The following ELMO1 variants were observed in gnomAD, a reference collection of about 807,000 sequenced individuals.
ELMO1 encodes engulfment and cell motility 1, also known as engulfment and cell motility protein 1.
In ELMO1, 26 loss-of-function variants were observed where a neutral mutation model predicts 98.9. The ratio of observed to expected loss-of-function variants is 0.26; its 90% CI spans 0.19 to 0.36. The LOEUF (loss-of-function observed/expected upper bound fraction) is 0.36. Ranked by LOEUF, ELMO1 falls within the 10% of genes least tolerant of loss-of-function variation. The pLI, the probability that ELMO1 is intolerant of heterozygous loss-of-function variation, is 1.00. For synonymous variants in ELMO1, 346 were observed against 346.0 expected, an observed-to-expected ratio of 1.00 and a Z score of 0.00; for missense variants, 627 against 935.2, an observed-to-expected ratio of 0.67 and a Z score of 4.30.
rs376271605 is a variant in ELMO1, at chr7:37,357,958, T to C, written c.-73-15195A>G. On this transcript the variant is annotated intron_variant, in intron 1 of 21. Coordinates refer to ENST00000310758, the MANE Select transcript of ELMO1 (RefSeq NM_014800.11). ...CTGAATGGCAGTCTGTGGTGCATAT[T>C]TGGGGGGAAAGTGGTCTGTGGTTCT... Among the ~76,000 whole-genome samples, 6 of 152,326 alleles carry C rather than the reference T, an allele frequency of 3.9e-5. No homozygotes were observed. In the East Asian group the frequency reaches 9.6e-4, roughly 24 times the overall value.
At chr7:37,313,589 T>A (rs1051846271) in intron 4 of ELMO1, among the ~76,000 whole-genome samples, 46 of 152,164 alleles carry the variant, frequency 3.0e-4, no homozygotes, top group African/African-American at 1.1e-3. Context: ...GAAAACAGCA[T>A]CAGTTACAAA....
intron 17 of ELMO1, 135 bp downstream of exon 17, chr7:36,894,719 G>T: frequency 9.1e-7 from 1 of 1,095,246 alleles, no homozygotes; most frequent in East Asian, 2.5e-5. Flanking sequence ...CTAACTAAAT[G>T]GAGATACTTG....
At chr7:37,070,990 A>G (rs764998814) in intron 15 of ELMO1, among the ~76,000 whole-genome samples, 2 of 152,178 alleles carry the variant, frequency 1.3e-5, no homozygotes, top group Non-Finnish European at 2.9e-5. Context: ...TCCTCCACCA[A>G]CTGAGAACTA....
At chr7:37,441,654 T>C (rs1389078856) in intron 1 of ELMO1, among the ~76,000 whole-genome samples, 1 of 152,212 alleles carries the variant, frequency 6.6e-6, no homozygotes, top group Non-Finnish European at 1.5e-5. Context: ...TTATTGCCAT[T>C]ATGTAAAGGT....
Position 37,336,862 on chromosome 7 carries a change from G to A in ELMO1, c.78+5751C>T, listed in dbSNP as rs114349282. ...TAAATAAGCCTGGAATGGAAAAACA[G>A]AATAAAATACTACCAAAAGAGAGTT... On this transcript the variant is annotated intron_variant, in intron 2 of 21. Transcript: ENST00000310758. Among the ~76,000 whole-genome samples the A allele has an allele frequency of 3.0e-3, 453 of 152,242 alleles. 5 individuals carry two copies. Among genetic ancestry groups the A allele is most frequent in the African/African-American group, 0.011 (441 of 41,538 alleles).
At chr7:37,058,951 G>T (rs1276632031) in intron 15 of ELMO1, among the ~76,000 whole-genome samples, 2 of 152,170 alleles carry the variant, frequency 1.3e-5, no homozygotes, top group African/African-American at 4.8e-5. Flanking sequence ...GGGGGATGCT[G>T]GGGAAGGGTC....
chr7:37,127,629 A>G (rs1319233068), intron 14 of ELMO1, among the ~76,000 whole-genome samples: 1 of 152,212 alleles, frequency 6.6e-6, no homozygotes, highest in African/African-American at 2.4e-5. Flanking sequence ...CTAGGTATTC[A>G]TTTGCTCTGG....
Position 37,114,736 on chromosome 7 carries a change from A to G in ELMO1, c.1192-18009T>C, listed in dbSNP as rs534275243. ...TACAAATTAAATCTAAAGTAAGCTGAAGAAAAGAAGTAAAAAAAAATAATG... is the reference window on the plus strand; with the variant it reads ...TACAAATTAAATCTAAAGTAAGCTGGAGAAAAGAAGTAAAAAAAAATAATG... On this transcript the variant is annotated intron_variant, in intron 14 of 21. Transcript: ENST00000310758. Among the ~76,000 whole-genome samples, 3 of 152,236 alleles carry G rather than the reference A, an allele frequency of 2.0e-5. No individual in the cohort carries two copies. In the South Asian group the frequency reaches 6.2e-4, roughly 32 times the overall value.
intron 14 of ELMO1, among the ~76,000 whole-genome samples, chr7:37,123,351 GCTT>G (rs1786233800): frequency 6.6e-6 from 1 of 152,198 alleles, no homozygotes; most frequent in Admixed American, 6.5e-5. Flanking sequence ...TCCAGGAGCT[GCTT>G]TTTTGAAAAG....
intron 13 of ELMO1, among the ~76,000 whole-genome samples, chr7:37,146,046 G>A (rs1398031801): frequency 7.2e-5 from 11 of 152,124 alleles, no homozygotes; most frequent in Admixed American, 4.6e-4. Context: ...CCCCTGGGGA[G>A]CTTTAAAAAA....
At chr7:37,143,604 A>C (rs1787782068) in intron 13 of ELMO1, among the ~76,000 whole-genome samples, 1 of 151,456 alleles carries the variant, frequency 6.6e-6, no homozygotes, top group Admixed American at 6.6e-5. Context: ...ATGAGGTTTC[A>C]CCATGCTGGC....
chr7:36,936,927 G>A (rs1209238540), intron 16 of ELMO1, among the ~76,000 whole-genome samples: 1 of 152,100 alleles, frequency 6.6e-6, no homozygotes, highest in African/African-American at 2.4e-5. Context: ...TCCTTTTATT[G>A]TAGTTTCTTT....
At chr7:37,228,175 C>T (rs183946829) in intron 8 of ELMO1, among the ~76,000 whole-genome samples, 3 of 152,230 alleles carry the variant, frequency 2.0e-5, no homozygotes, top group African/African-American at 2.4e-5. Context: ...TAATAACCAA[C>T]GCATCAGGGC....
intron 15 of ELMO1, among the ~76,000 whole-genome samples, chr7:37,037,125 T>A (rs564388397): frequency 1.3e-5 from 2 of 152,306 alleles, no homozygotes; most frequent in South Asian, 4.1e-4. Context: ...ATTTGTGGAA[T>A]TTTCCAGATC....
intron 16 of ELMO1, among the ~76,000 whole-genome samples, chr7:36,970,326 C>T (rs752913725): frequency 1.4e-4 from 22 of 152,162 alleles, no homozygotes; most frequent in Non-Finnish European, 1.5e-4. Flanking sequence ...GCACGGCATT[C>T]TATACAATAA....
chr7:37,432,872 G>A (rs1224868224), intron 1 of ELMO1, among the ~76,000 whole-genome samples: 1 of 152,252 alleles, frequency 6.6e-6, no homozygotes, highest in South Asian at 2.1e-4. Flanking sequence ...TGCCCTGTAG[G>A]CTCTTGGGTG....
At chr7:37,296,982 T>A (rs998873461) in intron 4 of ELMO1, among the ~76,000 whole-genome samples, 1 of 152,214 alleles carries the variant, frequency 6.6e-6, no homozygotes, top group East Asian at 1.9e-4. Flanking sequence ...GCAGCGAACT[T>A]GCTGAGATGA....
At position 36,870,058 on chromosome 7, in the gene ELMO1, G is replaced by A. The variant is rs1803377990; in HGVS notation, c.1905+335C>T. Among the ~76,000 whole-genome samples the A allele has an allele frequency of 6.6e-6, 1 of 152,188 alleles. No homozygotes were observed. Among genetic ancestry groups the A allele is most frequent in the Admixed American group, 6.5e-5 (1 of 15,282 alleles). ...AGAAGGGAGAAATAAACATAAATGG[G>A]GGAGGTTAGGAGAGGCCCAGGGAAT... On this transcript the variant is annotated intron_variant, in intron 20 of 21. Transcript: ENST00000310758. The surrounding 1 kb of genome is among the most constrained non-coding windows in gnomAD (Gnocchi z 4.4).
chr7:36,972,264 G>C (rs530928872), intron 16 of ELMO1, among the ~76,000 whole-genome samples: 8 of 152,280 alleles, frequency 5.3e-5, no homozygotes, highest in East Asian at 3.9e-4. Context: ...TTGCTCTTAC[G>C]GGAAGGAGAT....
Sources: gnomAD v4.1 joint callset for allele counts (sites outside exome capture counted in the v4.1 genomes callset) on GRCh38, gnomAD v4.1.1 for gene constraint, Gnocchi (gnomAD v3.1) non-coding constraint, MANE v1.5 for transcripts, NCBI Gene and HGNC (gene_info 2026-07-23, HGNC 2026-07-21) for gene names.